L3MBTL4: variants seen among roughly 807,000 people sequenced by gnomAD.
L3MBTL4 encodes the protein lethal(3)malignant brain tumor-like protein 4.
A neutral mutation model predicts 84.5 loss-of-function variants in L3MBTL4; 70 were observed. The observed-to-expected ratio is 0.83, with a 90% confidence interval of 0.68 to 1.01. The LOEUF (loss-of-function observed/expected upper bound fraction) is 1.01, where lower values mean the gene tolerates loss of function less well. Among genes scored for constraint, L3MBTL4 ranks in the 50% least tolerant of loss-of-function variants. The pLI, the probability that L3MBTL4 is intolerant of heterozygous loss-of-function variation, is 0.00. For missense variants in L3MBTL4, 715 were observed against 754.8 expected (o/e 0.95, Z 0.62); for synonymous variants, 274 against 259.8 (o/e 1.05, Z -0.52).
At chr18:6,237,769 T>C (rs1247219728) in intron 10 of L3MBTL4, among the ~76,000 whole-genome samples, 195 bp downstream of exon 10, 2 of 152,188 alleles carry the variant, frequency 1.3e-5, no homozygotes, top group Non-Finnish European at 2.9e-5. Context: ...AATGCATCTT[T>C]ATAAACACAG....
chr18:5,956,434 G>C (rs763914677), intron 18 of L3MBTL4, 47 bp from the exon 19 acceptor site: 2 of 1,575,170 alleles, frequency 1.3e-6, no homozygotes, highest in African/African-American at 1.3e-5. Flanking sequence ...TGCCACGGAA[G>C]CCTGTTTACT....
intron 5 of L3MBTL4, among the ~76,000 whole-genome samples, chr18:6,252,708 A>T (rs892152275): frequency 6.6e-6 from 1 of 152,228 alleles, no homozygotes; most frequent in African/African-American, 2.4e-5. Context: ...TGCTAAGAAA[A>T]TTTTATTTCA....
At chr18:6,229,913 T>A (rs1943767954) in intron 10 of L3MBTL4, among the ~76,000 whole-genome samples, 1 of 152,156 alleles carries the variant, frequency 6.6e-6, no homozygotes, top group Non-Finnish European at 1.5e-5. Context: ...GAAGTGTGAG[T>A]CCTCCAACTT....
At chr18:6,110,091 G>A (rs1018418706) in intron 14 of L3MBTL4, among the ~76,000 whole-genome samples, 1 of 151,952 alleles carries the variant, frequency 6.6e-6, no homozygotes, top group Non-Finnish European at 1.5e-5. Context: ...CAACTTTGTG[G>A]TGAAGTATAA....
intron 11 of L3MBTL4, among the ~76,000 whole-genome samples, chr18:6,214,135 A>G (rs932061232): frequency 6.6e-6 from 1 of 152,210 alleles, no homozygotes; most frequent in Admixed American, 6.5e-5. Context: ...GCCATAGCCT[A>G]TGCTTTTGTC....
intron 16 of L3MBTL4, among the ~76,000 whole-genome samples, chr18:6,025,750 A>AC (rs2055471821): frequency 6.6e-6 from 1 of 152,172 alleles, no homozygotes; most frequent in African/African-American, 2.4e-5. Context: ...GGAGTGTGCA[A>AC]CCTAGATCCC....
At chr18:6,032,293 A>G in intron 16 of L3MBTL4, 1 of 986,816 alleles carries the variant, frequency 1.0e-6, no homozygotes, top group Non-Finnish European at 1.2e-6. Flanking sequence ...TAAAAAAAAA[A>G]AAAAAAGAAC....
intron 10 of L3MBTL4, among the ~76,000 whole-genome samples, chr18:6,223,724 T>C (rs1273197211): frequency 1.3e-5 from 2 of 152,132 alleles, no homozygotes; most frequent in African/African-American, 4.8e-5. Context: ...CCCATGTGAG[T>C]AGAAATGATG....
chr18:6,407,570 C>G (rs1465370271), intron 1 of L3MBTL4, among the ~76,000 whole-genome samples: 2 of 152,120 alleles, frequency 1.3e-5, no homozygotes, highest in African/African-American at 2.4e-5. Context: ...TTCTTTGATA[C>G]ATGATCATAA....
intron 16 of L3MBTL4, among the ~76,000 whole-genome samples, chr18:6,021,117 C>T (rs938031768): frequency 2.6e-5 from 4 of 152,184 alleles, no homozygotes; most frequent in East Asian, 1.9e-4. Flanking sequence ...CCGGGCCCAA[C>T]GCTTTTCCAC....
chr18:6,312,634 T>C (rs1056351909), intron 1 of L3MBTL4, among the ~76,000 whole-genome samples: 173 of 152,244 alleles, frequency 1.1e-3, no homozygotes, highest in African/African-American at 3.7e-3. Context: ...CAGGAGAAAA[T>C]GCATCTTTTT....
intron 13 of L3MBTL4, among the ~76,000 whole-genome samples, chr18:6,140,431 C>T (rs1392611486): frequency 6.6e-6 from 1 of 152,156 alleles, no homozygotes; most frequent in African/African-American, 2.4e-5. Flanking sequence ...TAACTAAGTT[C>T]TCCTGGGAAA....
intron 4 of L3MBTL4, among the ~76,000 whole-genome samples, chr18:6,294,461 T>C (rs1263184960): frequency 6.6e-6 from 1 of 152,140 alleles, no homozygotes; most frequent in Non-Finnish European, 1.5e-5. Context: ...AAATATGCTT[T>C]AAAAAATCAA....
At chr18:6,174,848 CAG>C (rs2044152036) in intron 12 of L3MBTL4, among the ~76,000 whole-genome samples, 1 of 131,514 alleles carries the variant, frequency 7.6e-6, no homozygotes, top group South Asian at 2.4e-4. Flanking sequence ...GCCTGGGTGA[CAG>C]AGCGAAACTC....
intron 1 of L3MBTL4, among the ~76,000 whole-genome samples, chr18:6,345,757 T>G (rs762767261): frequency 6.6e-6 from 1 of 152,232 alleles, no homozygotes; most frequent in South Asian, 2.1e-4. Flanking sequence ...CTCAAACTGA[T>G]CTACATATTC....
At chr18:6,398,318 C>T (rs1371972381) in intron 1 of L3MBTL4, among the ~76,000 whole-genome samples, 1 of 152,180 alleles carries the variant, frequency 6.6e-6, no homozygotes. Flanking sequence ...AGAAGTGGCT[C>T]TGTAATGAAT....
At chr18:6,285,476 G>T (rs1223769256) in intron 4 of L3MBTL4, among the ~76,000 whole-genome samples, 1 of 144,780 alleles carries the variant, frequency 6.9e-6, no homozygotes, top group Non-Finnish European at 1.5e-5. Flanking sequence ...TTAAAATAGT[G>T]CTATAAAGTG....
At chr18:6,125,906 C>T (rs973160182) in intron 14 of L3MBTL4, among the ~76,000 whole-genome samples, 14 of 152,166 alleles carry the variant, frequency 9.2e-5, no homozygotes, top group African/African-American at 3.1e-4. Context: ...AAACACAGGA[C>T]TAAGAGTCAT....
At position 6,153,700 on chromosome 18, in the gene L3MBTL4, A is replaced by T. The variant is rs545941739; in HGVS notation, c.1097-15404T>A. On this transcript the variant is annotated intron_variant, in intron 13 of 18. Transcript: ENST00000317931. ...GAGGGAGGAAGGTGATTGGATCATA[A>T]GGGTGGTTTTCCCCATGCTGTTCTC... is the stretch of plus-strand genomic sequence containing the variant. Among the ~76,000 whole-genome samples, 312 of 152,274 alleles carry T rather than the reference A, an allele frequency of 2.0e-3. 3 individuals carry two copies. The highest frequency in any genetic ancestry group is 2.5e-3 in the Non-Finnish European group (170 of 68,014).
Sources: allele counts gnomAD v4.1 joint callset (sites outside exome capture counted in the v4.1 genomes callset), GRCh38; gene constraint gnomAD v4.1.1; transcripts MANE v1.5; gene names NCBI Gene and HGNC (gene_info 2026-07-23, HGNC 2026-07-21).